The following ZMYM2 variants were observed in gnomAD, a reference collection of about 807,000 sequenced individuals.
The protein encoded by ZMYM2 is zinc finger MYM-type protein 2.
In ZMYM2, 56 loss-of-function variants were observed where a neutral mutation model predicts 162.8. The ratio of observed to expected loss-of-function variants is 0.34; its 90% CI spans 0.28 to 0.43. The LOEUF (loss-of-function observed/expected upper bound fraction) is 0.43, where lower values mean the gene tolerates loss of function less well. ZMYM2 is among the 20% of genes least tolerant of loss of function. ZMYM2 has a pLI of 1.00. For synonymous variants in ZMYM2, 510 were observed against 541.6 expected, an observed-to-expected ratio of 0.94 and a Z score of 0.81; for missense variants, 1,275 against 1,621.8, an observed-to-expected ratio of 0.79 and a Z score of 3.67.
the ZMYM2 span, among the ~76,000 whole-genome samples, chr13:19,891,987 G>A: frequency 6.6e-6 from 1 of 151,712 alleles, no homozygotes; most frequent in African/African-American, 2.4e-5. Context: ...TATCACTCAG[G>A]CTGGAGTGCA....
the ZMYM2 span, among the ~76,000 whole-genome samples, chr13:19,925,120 G>A: frequency 3.3e-5 from 5 of 152,164 alleles, no homozygotes; most frequent in Non-Finnish European, 7.3e-5. Context: ...CCAACCTCAG[G>A]TGATCTGCCT....
the ZMYM2 span, among the ~76,000 whole-genome samples, chr13:19,950,663 C>A: frequency 1.3e-5 from 2 of 152,206 alleles, no homozygotes; most frequent in South Asian, 4.1e-4. Context: ...CTTCTGGTTC[C>A]GGGTCCTGCC....
intron 21 of ZMYM2, among the ~76,000 whole-genome samples, chr13:20,075,871 C>A (rs1014893928): frequency 2.0e-5 from 3 of 151,498 alleles, no homozygotes; most frequent in African/African-American, 4.8e-5. Context: ...TTTTCCCCCC[C>A]ATCCCGTAGA....
At chr13:19,937,155 T>C in the ZMYM2 span, among the ~76,000 whole-genome samples, 1 of 152,090 alleles carries the variant, frequency 6.6e-6, no homozygotes, top group Admixed American at 6.6e-5. Flanking sequence ...TATTCTACTT[T>C]TTTTTTTTTC....
At chr13:20,030,668 G>C (rs1455764807) in intron 9 of ZMYM2, among the ~76,000 whole-genome samples, 1 of 151,990 alleles carries the variant, frequency 6.6e-6, no homozygotes, top group African/African-American at 2.4e-5. Flanking sequence ...AAAGTGCCGG[G>C]ATTACAGGCA....
intron 12 of ZMYM2, among the ~76,000 whole-genome samples, chr13:20,038,869 G>A (rs1451574470): frequency 6.6e-6 from 1 of 152,030 alleles, no homozygotes; most frequent in Non-Finnish European, 1.5e-5. Context: ...ATGGCTTTGG[G>A]CAGTATGGCT....
rs374428386 is a variant in ZMYM2 at position 20,005,200 on chromosome 13, A to G, written c.1260A>G (p.Leu420=). 5 of 1,583,404 alleles carry G rather than the reference A, an allele frequency of 3.2e-6. No homozygotes were observed. The East Asian group carries it at 7.0e-5, about 22-fold the overall frequency. ...AACAGAATCCTACTAAAGGAGCTCTAAATAAATCAAGATGTACAATCTGTG... is the reference window on the plus strand; with the variant it reads ...AACAGAATCCTACTAAAGGAGCTCTGAATAAATCAAGATGTACAATCTGTG... ...EDKQNPTKGA[L]NKSRCTICGK... Residue 420 remains leucine, a synonymous_variant, in exon 5 of 25, where the codon CTA becomes CTG. Coordinates refer to ENST00000610343, the MANE Select transcript of ZMYM2 (RefSeq NM_197968.4).
the ZMYM2 span, among the ~76,000 whole-genome samples, chr13:19,900,819 G>T: frequency 2.0e-5 from 3 of 152,054 alleles, no homozygotes; most frequent in African/African-American, 7.2e-5. Context: ...AGATCACGAG[G>T]TCAGGAGATT....
chr13:20,059,705 T>C, intron 16 of ZMYM2, 143 bp downstream of exon 16: 1 of 645,164 alleles, frequency 1.5e-6, no homozygotes, highest in Non-Finnish European at 2.7e-6. Context: ...CCCCAATAAA[T>C]ATGGGCGGCC....
At chr13:20,036,614 T>A (rs1434822735) in intron 11 of ZMYM2, 123 bp from the exon 12 acceptor site, 4 of 671,306 alleles carry the variant, frequency 6.0e-6, no homozygotes, top group African/African-American at 5.6e-5. Flanking sequence ...TGATATTGAT[T>A]ACAGTAGATT....
the ZMYM2 span, among the ~76,000 whole-genome samples, chr13:19,923,216 G>A: frequency 6.8e-6 from 1 of 147,472 alleles, no homozygotes; most frequent in Non-Finnish European, 1.5e-5. Context: ...AATTAACCAG[G>A]CCTGATGGCG....
At chr13:19,923,493 T>C in the ZMYM2 span, among the ~76,000 whole-genome samples, 1 of 150,352 alleles carries the variant, frequency 6.7e-6, no homozygotes, top group Non-Finnish European at 1.5e-5. Flanking sequence ...TCTATATCTA[T>C]ATATATCTAT....
At chr13:19,905,320 T>C in the ZMYM2 span, among the ~76,000 whole-genome samples, 1 of 152,142 alleles carries the variant, frequency 6.6e-6, no homozygotes, top group Non-Finnish European at 1.5e-5. Context: ...GCCTATTTTT[T>C]TCTATTTCTG....
chr13:19,884,495 G>A, the ZMYM2 span, among the ~76,000 whole-genome samples: 2 of 152,066 alleles, frequency 1.3e-5, no homozygotes, highest in East Asian at 3.9e-4. Flanking sequence ...GGAAAATAGC[G>A]TGAACCCGAA....
intron 3 of ZMYM2, among the ~76,000 whole-genome samples, chr13:19,994,631 AG>A (rs1336052161): frequency 1.3e-5 from 2 of 151,930 alleles, no homozygotes; most frequent in Non-Finnish European, 2.9e-5. Context: ...CTGGGATTAT[AG>A]GCGTCCACCA....
At position 19,993,861 on chromosome 13, in the gene ZMYM2, A is replaced by G; in HGVS notation, c.789A>G (p.Arg263=). ...KTGVGPFNPG[R]MNVAGDVFQN... ...GAGTAGGACCTTTTAATCCTGGTAG[A>G]ATGAATGTGGCAGGAGACGTTTTTC... The change falls in exon 3 of 25, where the codon AGA becomes AGG. Residue 263 remains arginine (R), a synonymous_variant. Transcript: ENST00000610343. 2 of 1,614,018 alleles carry G rather than the reference A, an allele frequency of 1.2e-6. No homozygotes were observed. The highest frequency in any genetic ancestry group is 1.7e-6 in the Non-Finnish European group (2 of 1,179,980).
At chr13:19,879,833 G>T in the ZMYM2 span, among the ~76,000 whole-genome samples, 1 of 152,150 alleles carries the variant, frequency 6.6e-6, no homozygotes, top group African/African-American at 2.4e-5. Flanking sequence ...GGTCTTTGAG[G>T]GTCTTTCCAG....
intron 12 of ZMYM2, among the ~76,000 whole-genome samples, chr13:20,047,592 C>G (rs1016923534): frequency 6.6e-6 from 1 of 152,152 alleles, no homozygotes; most frequent in Non-Finnish European, 1.5e-5. Flanking sequence ...TTTTTACCTT[C>G]TCTTACCTTT....
chr13:19,890,166 T>C, the ZMYM2 span, among the ~76,000 whole-genome samples: 2 of 151,830 alleles, frequency 1.3e-5, no homozygotes, highest in Non-Finnish European at 2.9e-5. Context: ...TGTTTCGTTT[T>C]GTTTTGTTCG....
Sources: allele counts gnomAD v4.1 joint callset (sites outside exome capture counted in the v4.1 genomes callset), GRCh38; gene constraint gnomAD v4.1.1; transcripts MANE v1.5; gene names NCBI Gene and HGNC (gene_info 2026-07-23, HGNC 2026-07-21).